The following RIMS2 variants were observed in gnomAD, a reference collection of about 807,000 sequenced individuals.
RIMS2 encodes the protein regulating synaptic membrane exocytosis 2.
RIMS2 carries 59 observed loss-of-function variants against 174.4 expected under a neutral mutation model. The observed-to-expected ratio is 0.34, with a 90% CI of 0.27 to 0.42. The LOEUF (loss-of-function observed/expected upper bound fraction) is 0.42. RIMS2 is among the 10% of genes least tolerant of loss of function. RIMS2 has a pLI of 1.00. For missense variants in RIMS2, 1,620 were observed against 1,666.3 expected (o/e 0.97, Z 0.48); for synonymous variants, 606 against 572.5 (o/e 1.06, Z -0.84).
chr8:104,067,393 A>G (rs886470365), intron 19 of RIMS2, among the ~76,000 whole-genome samples: 1 of 152,142 alleles, frequency 6.6e-6, no homozygotes, highest in Non-Finnish European at 1.5e-5. Context: ...TTCCTTTAAA[A>G]ATGACAAATG....
At chr8:103,973,463 A>G (rs901168804) in intron 15 of RIMS2, among the ~76,000 whole-genome samples, 1 of 152,216 alleles carries the variant, frequency 6.6e-6, no homozygotes, top group Admixed American at 6.5e-5. Flanking sequence ...AAATAAAATA[A>G]CACAATTAAA....
chr8:103,917,606 C>T (rs1400442030), intron 8 of RIMS2, among the ~76,000 whole-genome samples: 1 of 151,762 alleles, frequency 6.6e-6, no homozygotes, highest in Non-Finnish European at 1.5e-5. Flanking sequence ...TAATGTTTAC[C>T]CCTTGTGTCA....
intron 3 of RIMS2, among the ~76,000 whole-genome samples, chr8:103,787,019 T>G (rs992270570): frequency 1.3e-5 from 2 of 150,662 alleles, no homozygotes; most frequent in African/African-American, 4.9e-5. Flanking sequence ...CCTTTACCAT[T>G]ATGTAATGGC....
At chr8:103,701,850 G>A (rs970480857) in intron 2 of RIMS2, among the ~76,000 whole-genome samples, 1 of 151,944 alleles carries the variant, frequency 6.6e-6, no homozygotes, top group African/African-American at 2.4e-5. Context: ...GTCATTTAGG[G>A]TGATTTCATA....
At chr8:104,049,885 T>A (rs2096757781) in intron 19 of RIMS2, among the ~76,000 whole-genome samples, 1 of 152,214 alleles carries the variant, frequency 6.6e-6, no homozygotes, top group African/African-American at 2.4e-5. Flanking sequence ...TTAATAAAAA[T>A]CATTTTAAAC....
intron 1 of RIMS2, among the ~76,000 whole-genome samples, chr8:103,504,269 C>A (rs774611793): frequency 3.3e-5 from 5 of 151,762 alleles, no homozygotes; most frequent in Admixed American, 6.6e-5. Flanking sequence ...CAAAATTTAC[C>A]CTTTTTTTGA....
At chr8:103,798,353 T>C (rs1158528791) in intron 3 of RIMS2, among the ~76,000 whole-genome samples, 1 of 152,168 alleles carries the variant, frequency 6.6e-6, no homozygotes, top group Admixed American at 6.5e-5. Flanking sequence ...GGAGAAGTTT[T>C]GTAGATTTGT....
chr8:103,572,357 ATTGGTCCATTTTACAGAGCACTG>A (rs2092889514), intron 1 of RIMS2, among the ~76,000 whole-genome samples: 1 of 105,986 alleles, frequency 9.4e-6, no homozygotes, highest in Non-Finnish European at 2.1e-5. Flanking sequence ...CGCCTTGCCG[ATTGGTCCATTTTACAGAGCACTG>A]ATTGGTCCAT....
chr8:103,940,471 G>A (rs1008001919), intron 13 of RIMS2, among the ~76,000 whole-genome samples: 4 of 152,084 alleles, frequency 2.6e-5, no homozygotes, highest in Non-Finnish European at 5.9e-5. Context: ...GATGAGATTT[G>A]GGTGGGAACA....
rs1303793366 is a variant in RIMS2, at chr8:104,100,845, GTATTATATATGTAATATA to G, written c.3334+86252_3334+86269del. ...TATATATGTAATATATAATATATAT[GTATTATATATGTAATATA>G]TATTATATATGTAATATATATCATA... On this transcript the variant is annotated intron_variant, in intron 19 of 23. Coordinates refer to ENST00000504942, the Ensembl canonical transcript of RIMS2. 2.0e-4 allele frequency among the ~76,000 whole-genome samples: 27 copies of G among 135,046 alleles called. No individual in the cohort carries two copies. In the East Asian group the frequency reaches 2.2e-3, roughly 11 times the overall value. 88.6% of individuals were successfully genotyped at this position (135,046 alleles called of 152,430 possible). A position where few individuals can be genotyped will look rare whatever the true frequency, so the allele number is the denominator to read the frequency against.
intron 3 of RIMS2, among the ~76,000 whole-genome samples, chr8:103,823,314 G>A (rs1445732250): frequency 6.6e-6 from 1 of 151,868 alleles, no homozygotes; most frequent in African/African-American, 2.4e-5. Context: ...TTAGTAGACA[G>A]AAGAATATTT....
chr8:104,138,278 T>A (rs1480794301), intron 19 of RIMS2, among the ~76,000 whole-genome samples: 1 of 152,038 alleles, frequency 6.6e-6, no homozygotes, highest in Non-Finnish European at 1.5e-5. Flanking sequence ...TCTCTTCAAT[T>A]TGGGTGTATA....
chr8:104,154,953 G>C (rs1191126342), intron 19 of RIMS2, among the ~76,000 whole-genome samples: 1 of 135,506 alleles, frequency 7.4e-6, no homozygotes, highest in African/African-American at 2.8e-5. Flanking sequence ...GAAAGAAATA[G>C]TAGAGTTTAC....
chr8:104,052,646 A>T lies in RIMS2; in HGVS notation c.3334+38031A>T, dbSNP rs1345823377. 2.0e-5 allele frequency among the ~76,000 whole-genome samples: 3 copies of T among 152,304 alleles called. No individual in the cohort carries two copies. The East Asian group carries it at 5.8e-4, about 29-fold the overall frequency. ...TTGTAGATATTCATTGATAATGATTATAGGAGAAGAATAGATAGGAGATAT... is the reference window on the plus strand; with the variant it reads ...TTGTAGATATTCATTGATAATGATTTTAGGAGAAGAATAGATAGGAGATAT... On this transcript the variant is annotated intron_variant, in intron 19 of 23. Coordinates refer to ENST00000504942, the Ensembl canonical transcript of RIMS2.
intron 14 of RIMS2, among the ~76,000 whole-genome samples, chr8:103,958,903 A>G (rs754500049): frequency 5.9e-5 from 9 of 152,218 alleles, no homozygotes; most frequent in Non-Finnish European, 1.2e-4. Context: ...GCCTGTTCAT[A>G]TAGTAGTGAT....
At chr8:103,985,573 T>C (rs927905646) in intron 16 of RIMS2, among the ~76,000 whole-genome samples, 4 of 151,692 alleles carry the variant, frequency 2.6e-5, no homozygotes, top group African/African-American at 9.7e-5. Flanking sequence ...TTATTAAGTA[T>C]TTTGTGCCCT....
chr8:104,139,391 A>G (rs2098548436), intron 19 of RIMS2, among the ~76,000 whole-genome samples: 1 of 152,270 alleles, frequency 6.6e-6, no homozygotes, highest in South Asian at 2.1e-4. Context: ...CTTCCAGTCC[A>G]TGAACATGGA....
intron 19 of RIMS2, among the ~76,000 whole-genome samples, chr8:104,018,961 G>A (rs1198269092): frequency 6.6e-6 from 1 of 151,986 alleles, no homozygotes; most frequent in African/African-American, 2.4e-5. Context: ...ATACCATAAT[G>A]TTTAATGTTC....
intron 1 of RIMS2, among the ~76,000 whole-genome samples, chr8:103,661,321 A>C (rs868750887): frequency 6.6e-6 from 1 of 152,150 alleles, no homozygotes; most frequent in Admixed American, 6.6e-5. Flanking sequence ...CCTATTATGA[A>C]TAGTGCTGCT....
Sources: gnomAD v4.1 joint callset for allele counts (sites outside exome capture counted in the v4.1 genomes callset) on GRCh38, gnomAD v4.1.1 for gene constraint, MANE v1.5 for transcripts, NCBI Gene and HGNC (gene_info 2026-07-23, HGNC 2026-07-21) for gene names.